PKN3: variants seen among roughly 807,000 people sequenced by gnomAD.
PKN3 encodes the protein protein kinase N3, also known as serine/threonine-protein kinase N3.
PKN3 carries 91 observed loss-of-function variants against 113.1 expected under a neutral mutation model. The ratio of observed to expected loss-of-function variants is 0.80; its 90% CI spans 0.68 to 0.96. PKN3 has a LOEUF of 0.96. Ranked by LOEUF, PKN3 falls within the 40% of genes least tolerant of loss-of-function variation. PKN3 has a pLI of 0.00. For missense variants in PKN3, 1,052 were observed against 1,202.2 expected (o/e 0.88, Z 1.85); for synonymous variants, 467 against 499.0 (o/e 0.94, Z 0.85).
In PKN3 at chr9:128,712,079, TTTGTA is replaced by T. The variant is rs200726579; in HGVS notation, c.836-970_836-966del. 3.9e-3 allele frequency among the ~76,000 whole-genome samples: 591 copies of T among 152,232 alleles called. 1 individual carries two copies. The highest frequency in any genetic ancestry group is 0.013 in the African/African-American group (523 of 41,526). On this transcript the variant is annotated intron_variant, in intron 6 of 21. Transcript: ENST00000291906. Reference sequence around the variant, plus strand: ...TGCCCACCATCATGCCCGGCTGGTTTTTGTATTTTTAGTTGGGATGGGGTTTCGCC... The same window carrying T: ...TGCCCACCATCATGCCCGGCTGGTTTTTTTTAGTTGGGATGGGGTTTCGCC...
In PKN3 at chr9:128,714,649, A is replaced by G. The variant is rs774189586; in HGVS notation, c.1569A>G (p.Thr523=). The change falls in exon 12 of 22, where the codon ACA becomes ACG. Residue 523 remains threonine, a synonymous_variant. Coordinates refer to ENST00000291906, the MANE Select transcript of PKN3 (RefSeq NM_013355.5). Reference sequence around the variant, plus strand: ...GCCTCTACCTCCCCCAGGAGCCAACATCCGAGGAGACTCCGGTGAGGGGCT... The same window carrying G: ...GCCTCTACCTCCCCCAGGAGCCAACGTCCGAGGAGACTCCGGTGAGGGGCT... ...PPRLYLPQEP[T]SEETPRTKRP... The G allele has an allele frequency of 7.0e-7, 1 of 1,426,724 alleles. No individual in the cohort carries two copies. The highest frequency in any genetic ancestry group is 9.9e-7 in the Non-Finnish European group (1 of 1,009,894). 88.4% of individuals were successfully genotyped at this position (1,426,724 alleles called of 1,614,324 possible). A position where few individuals can be genotyped will look rare whatever the true frequency, so the allele number is the denominator to read the frequency against.
intron 1 of PKN3, chr9:128,704,128 A>G (rs1489981168): frequency 1.0e-6 from 1 of 985,146 alleles, no homozygotes; most frequent in Non-Finnish European, 1.2e-6. Context: ...GAACACAGAG[A>G]GGTAAGATGG....
In PKN3 at chr9:128,720,681, C is replaced by G; in HGVS notation, c.*75C>G. On this transcript the variant is annotated 3_prime_UTR_variant, in exon 22 of 22. Transcript: ENST00000291906. This position sits in a 1 kb window ranked among gnomAD's most constrained non-coding sequence, Gnocchi z 5.5. ...TCTGCTCGTTCACCCGTGCGCCCTG[C>G]CTGGAGGTCCAGGCCTTGCTGGGTA... 7.6e-7 allele frequency: 1 copy of G among 1,311,002 alleles called. No individual in the cohort carries two copies. The highest frequency in any genetic ancestry group is 2.0e-5 in the Admixed American group (1 of 49,750). 81.2% of individuals were successfully genotyped at this position (1,311,002 alleles called of 1,614,324 possible).
rs1165948309 is a variant in PKN3, at chr9:128,720,307, TCC to T, written c.2457+27_2457+28del. The stretch of plus-strand genomic sequence containing the variant: ...GGGTGAGCGGCTGGGGTGGCGGTGG[TCC>T]CCTGTGCCTGGCAGGGTAGGTGGCA... On this transcript the variant is annotated intron_variant, in intron 21 of 21. Coordinates refer to ENST00000291906, the MANE Select transcript of PKN3 (RefSeq NM_013355.5). The surrounding 1 kb of genome is among the most constrained non-coding windows in gnomAD (Gnocchi z 5.5). 2.0e-5 allele frequency: 32 copies of T among 1,612,340 alleles called. No homozygotes were observed. The highest frequency in any genetic ancestry group is 2.7e-5 in the Non-Finnish European group (32 of 1,178,982).
chr9:128,707,173 C>A (rs1278064067), intron 5 of PKN3, 49 bp from the exon 6 acceptor site: 1 of 1,581,302 alleles, frequency 6.3e-7, no homozygotes, highest in African/African-American at 1.3e-5. Context: ...GGGCTGCTGC[C>A]CCCTGCCATA....
rs750203427 is a variant in PKN3 at position 128,719,914 on chromosome 9, C to T, written c.2273C>T (p.Pro758Leu). The change falls in exon 20 of 22, where the codon CCG becomes CTG. Residue 758 changes from proline (P) to leucine (L), a missense_variant. This residue lies in a region of PKN3 where 333 missense variants were observed against 442.8 expected (regional missense o/e 0.75). Transcript: ENST00000291906. ...LLYEMLVGEC[P>L]FPGDTEEEVF... The stretch of plus-strand genomic sequence containing the variant: ...GCTGAGCCCCCATCTCCACAGTGCC[C>T]GTTCCCAGGGGACACAGAGGAAGAG... 12 of 1,613,850 alleles carry T rather than the reference C, an allele frequency of 7.4e-6. No individual in the cohort carries two copies. The highest frequency in any genetic ancestry group is 2.2e-5 in the East Asian group (1 of 44,884).
In PKN3 at chr9:128,702,699, C is replaced by A. The variant is rs1048571835; in HGVS notation, c.-217C>A. The stretch of plus-strand genomic sequence containing the variant: ...TTTGGATCCGAGGGAGGCGCTGGGG[C>A]GCGGGACCTCGGGCGTGGGGTCCCG... On this transcript the variant is annotated 5_prime_UTR_variant, in exon 1 of 22. Coordinates refer to ENST00000291906, the MANE Select transcript of PKN3 (RefSeq NM_013355.5). The A allele has an allele frequency of 2.1e-6, 1 of 469,962 alleles. No homozygotes were observed. The highest frequency in any genetic ancestry group is 3.7e-6 in the Non-Finnish European group (1 of 269,936). The allele number at this position is 469,962 out of a possible 1,614,324, so 29.1% of individuals were successfully genotyped here. A position where few individuals can be genotyped will look rare whatever the true frequency, so the allele number is the denominator to read the frequency against.
In PKN3 at chr9:128,720,300, G is replaced by A. The variant is rs750864817; in HGVS notation, c.2457+17G>A. On this transcript the variant is annotated intron_variant, in intron 21 of 21. Transcript: ENST00000291906. The surrounding 1 kb of genome is among the most constrained non-coding windows in gnomAD (Gnocchi z 5.5). ...TTCTTCAGGGTGAGCGGCTGGGGTG[G>A]CGGTGGTCCCCTGTGCCTGGCAGGG... The A allele has an allele frequency of 8.1e-6, 13 of 1,613,378 alleles. No individual in the cohort carries two copies. The Admixed American group carries it at 1.2e-4, about 14-fold the overall frequency.
In PKN3 at chr9:128,720,767, G is replaced by A; in HGVS notation, c.*161G>A. The stretch of plus-strand genomic sequence containing the variant: ...GGGCCACTGTTGTGGGCTTTGCTCA[G>A]TGTCACTGGGCAAAGTGTGTCCCTT... On this transcript the variant is annotated 3_prime_UTR_variant, in exon 22 of 22. Transcript: ENST00000291906. The surrounding 1 kb of genome is among the most constrained non-coding windows in gnomAD (Gnocchi z 5.5). 1 of 649,224 alleles carries A rather than the reference G, an allele frequency of 1.5e-6. No homozygotes were observed. Among genetic ancestry groups the A allele is most frequent in the Non-Finnish European group, 2.7e-6 (1 of 376,982 alleles). 40.2% of individuals were successfully genotyped at this position (649,224 alleles called of 1,614,324 possible). A position where few individuals can be genotyped will look rare whatever the true frequency, so the allele number is the denominator to read the frequency against.
intron 6 of PKN3, among the ~76,000 whole-genome samples, chr9:128,709,298 A>AT (rs55697936): frequency 0.86 from 124,551 of 145,358 alleles, 56,142 homozygotes; most frequent in Non-Finnish European, 0.99. Context: ...AAAAATAAAA[A>AT]AATAAAAAAA....
At position 128,708,711 on chromosome 9, in the gene PKN3, C is replaced by A. The variant is rs980549464; in HGVS notation, c.835+1306C>A. The stretch of plus-strand genomic sequence containing the variant: ...AAAAAAAATTAGCCGGGCGTGGTGG[C>A]GCATGCCTGTAATCCCATCTACTGG... On this transcript the variant is annotated intron_variant, in intron 6 of 21. Transcript: ENST00000291906. Among the ~76,000 whole-genome samples the A allele has an allele frequency of 3.3e-5, 5 of 151,602 alleles. No individual in the cohort carries two copies. The East Asian group carries it at 9.7e-4, about 29-fold the overall frequency.
At position 128,719,665 on chromosome 9, in the gene PKN3, G is replaced by A. The variant is rs1254002620; in HGVS notation, c.2126-21G>A. 3.3e-6 allele frequency: 5 copies of A among 1,529,232 alleles called. No homozygotes were observed. The African/African-American group carries it at 5.5e-5, about 17-fold the overall frequency. The allele number at this position is 1,529,232 out of a possible 1,614,324, so 94.7% of individuals were successfully genotyped here. ...GAATAGGCCACACCAAGCAGCTATT[G>A]GTGTGCCTGTTGGTTTGCAGGGATC... is the stretch of plus-strand genomic sequence containing the variant. On this transcript the variant is annotated intron_variant, in intron 18 of 21. Transcript: ENST00000291906.
At position 128,720,027 on chromosome 9, in the gene PKN3, G is replaced by A; in HGVS notation, c.2376+10G>A. ...TGAGTTCATTCAGAAGGTAAGCACT[G>A]CGGGGTCTGGGGCTGGGCTGGATGG... On this transcript the variant is annotated intron_variant, in intron 20 of 21. Coordinates refer to ENST00000291906, the MANE Select transcript of PKN3 (RefSeq NM_013355.5). The surrounding 1 kb of genome is among the most constrained non-coding windows in gnomAD (Gnocchi z 5.5). The A allele has an allele frequency of 3.7e-6, 6 of 1,608,958 alleles. No homozygotes were observed. The highest frequency in any genetic ancestry group is 5.1e-6 in the Non-Finnish European group (6 of 1,175,470).
Position 128,713,212 on chromosome 9 carries a change from G to A in PKN3, c.982+14G>A, listed in dbSNP as rs1477268948. 1 of 1,608,882 alleles carries A rather than the reference G, an allele frequency of 6.2e-7. No homozygotes were observed. Among genetic ancestry groups the A allele is most frequent in the East Asian group, 2.2e-5 (1 of 44,750 alleles). ...GCGAGCTTGCCAGTGAGTAGGGAAG[G>A]AGCTTCAGGGGGAGCAGGAGACCCC... is the stretch of plus-strand genomic sequence containing the variant. On this transcript the variant is annotated intron_variant, in intron 7 of 21. Coordinates refer to ENST00000291906, the MANE Select transcript of PKN3 (RefSeq NM_013355.5).
At position 128,713,360 on chromosome 9, in the gene PKN3, C is replaced by T. The variant is rs1362306311; in HGVS notation, c.1065C>T (p.Asp355=). 2.2e-5 allele frequency: 36 copies of T among 1,613,944 alleles called. No homozygotes were observed. Among genetic ancestry groups the T allele is most frequent in the Admixed American group, 6.7e-5 (4 of 60,002 alleles). The part of the protein sequence containing the change: ...GWGQVAEQSW[D]QTFVIPLERA... ...GGCAGGTGGCCGAACAGTCCTGGGACCAGACCTTTGTCATCCCACTGGAGC... is the reference window on the plus strand; with the variant it reads ...GGCAGGTGGCCGAACAGTCCTGGGATCAGACCTTTGTCATCCCACTGGAGC... The change falls in exon 8 of 22, where the codon GAC becomes GAT. Residue 355 remains aspartate (D), a synonymous_variant. Coordinates refer to ENST00000291906, the MANE Select transcript of PKN3 (RefSeq NM_013355.5).
At chr9:128,712,233 T>C (rs1427431438) in intron 6 of PKN3, among the ~76,000 whole-genome samples, 2 of 152,150 alleles carry the variant, frequency 1.3e-5, no homozygotes, top group Non-Finnish European at 2.9e-5. Context: ...TAAGCTTCTC[T>C]TTCTACCCTG....
At position 128,714,678 on chromosome 9, in the gene PKN3, G is replaced by C. The variant is rs755042425; in HGVS notation, c.1584+14G>C. The stretch of plus-strand genomic sequence containing the variant: ...GAGGAGACTCCGGTGAGGGGCTGGA[G>C]GGACTAGTGGCTCCTAGGGCCGGCT... On this transcript the variant is annotated intron_variant, in intron 12 of 21. Coordinates refer to ENST00000291906, the MANE Select transcript of PKN3 (RefSeq NM_013355.5). 7.4e-7 allele frequency: 1 copy of C among 1,347,090 alleles called. No homozygotes were observed. The highest frequency in any genetic ancestry group is 1.2e-5 in the South Asian group (1 of 85,774). The allele number at this position is 1,347,090 out of a possible 1,614,324, so 83.4% of individuals were successfully genotyped here. A position where few individuals can be genotyped will look rare whatever the true frequency, so the allele number is the denominator to read the frequency against.
chr9:128,718,898 G>GTTTTTTTTTTT (rs1564378313), intron 18 of PKN3, among the ~76,000 whole-genome samples: 1 of 24,540 alleles, frequency 4.1e-5, no homozygotes, highest in Non-Finnish European at 8.9e-5. Flanking sequence ...TTTTTTTTTG[G>GTTTTTTTTTTT]TTTGTTTTTT....
Position 128,705,351 on chromosome 9 carries a change from C to T in PKN3, c.73C>T (p.Arg25Trp), listed in dbSNP as rs369925350. The T allele has an allele frequency of 8.7e-5, 138 of 1,583,230 alleles. No homozygotes were observed. The highest frequency in any genetic ancestry group is 1.1e-4 in the Non-Finnish European group (123 of 1,165,952). The stretch of plus-strand genomic sequence containing the variant: ...AGAGGATGAGAAGGAGGTGATCCGC[C>T]GGGCCATCCAGAAAGAGCTGAAGAT... The part of the protein sequence containing the change: ...PPEDEKEVIR[R>W]AIQKELKIKE... Residue 25 changes from arginine (R) to tryptophan (W), a missense_variant, in exon 2 of 22, where the codon CGG (arginine) becomes TGG (tryptophan). Arg to Trp is a moderately radical substitution (Grantham distance 101). Transcript: ENST00000291906.
Sources: allele counts gnomAD v4.1 joint callset (sites outside exome capture counted in the v4.1 genomes callset), GRCh38; gene constraint gnomAD v4.1.1; regional missense constraint gnomAD v4.1.1; non-coding constraint Gnocchi (gnomAD v3.1); transcripts MANE v1.5; gene names NCBI Gene and HGNC (gene_info 2026-07-23, HGNC 2026-07-21).